Variants in CLVS1 observed in about 807,000 individuals in gnomAD.
CLVS1 encodes the protein clavesin-1.
CLVS1 carries 10 observed loss-of-function variants against 33.1 expected under a neutral mutation model. The ratio of observed to expected loss-of-function variants is 0.30; its 90% CI spans 0.19 to 0.51. CLVS1 has a LOEUF of 0.51. Among genes scored for constraint, CLVS1 ranks in the 20% least tolerant of loss-of-function variants. The probability of loss-of-function intolerance (pLI) is 0.97; values close to 1 mark genes in which losing one functional copy is unlikely to be tolerated. For synonymous variants in CLVS1, 163 were observed against 166.1 expected (o/e 0.98, Z 0.14); for missense variants, 343 against 433.4 (o/e 0.79, Z 1.85).
At chr8:61,250,701 T>C (rs573169000) in intron 2 of CLVS1, among the ~76,000 whole-genome samples, 1 of 152,354 alleles carries the variant, frequency 6.6e-6, no homozygotes, top group South Asian at 2.1e-4. Context: ...AATTCACTCA[T>C]GATTTGGCTC....
intron 1 of CLVS1, among the ~76,000 whole-genome samples, chr8:61,124,941 G>A (rs1332426597): frequency 6.6e-6 from 1 of 152,202 alleles, no homozygotes; most frequent in Non-Finnish European, 1.5e-5. Context: ...ACAGGTGAGA[G>A]AGGAGAGTGA....
rs189363224 is a variant in CLVS1, at chr8:61,133,411, G to A, written c.-152+1551G>A. Among the ~76,000 whole-genome samples, 27 of 152,298 alleles carry A rather than the reference G, an allele frequency of 1.8e-4. 1 individual carries two copies. The highest frequency in any genetic ancestry group is 1.5e-3 in the East Asian group (8 of 5,178). ...GGGTATGGAAGTCCAGGAAGAAGCC[G>A]TGGCATAACAAAGGCATGGCTGTGT... On this transcript the variant is annotated intron_variant, in intron 2 of 2. Transcript: ENST00000522621.
At chr8:61,233,771 G>A (rs769095881) in intron 2 of CLVS1, among the ~76,000 whole-genome samples, 1 of 152,182 alleles carries the variant, frequency 6.6e-6, no homozygotes, top group Non-Finnish European at 1.5e-5. Context: ...GGAGACAAGC[G>A]TACATCCTTG....
chr8:61,373,010 C>A (rs1188075840), intron 2 of CLVS1, among the ~76,000 whole-genome samples: 1 of 152,162 alleles, frequency 6.6e-6, no homozygotes, highest in Non-Finnish European at 1.5e-5. Flanking sequence ...TTGAAGGAAG[C>A]CACAATGCTC....
At chr8:60,983,438 C>T in the CLVS1 span, among the ~76,000 whole-genome samples, 1 of 152,164 alleles carries the variant, frequency 6.6e-6, no homozygotes, top group Non-Finnish European at 1.5e-5. Context: ...AGCTGGTTTC[C>T]CTCCCCAGCA....
intron 3 of CLVS1, among the ~76,000 whole-genome samples, chr8:61,382,610 G>T (rs961569567): frequency 6.6e-6 from 1 of 152,198 alleles, no homozygotes; most frequent in South Asian, 2.1e-4. Context: ...TGGTATTATA[G>T]TAGAACGTGA....
At chr8:61,283,345 C>T (rs1809712992), upstream of CLVS1, among the ~76,000 whole-genome samples, 1 of 152,154 alleles carries the variant, frequency 6.6e-6, no homozygotes, top group African/African-American at 2.4e-5. Context: ...TGCAATTGTC[C>T]TCTGGGATGA....
intron 3 of CLVS1, among the ~76,000 whole-genome samples, chr8:61,409,375 T>C (rs537919153): frequency 6.6e-6 from 1 of 152,344 alleles, no homozygotes; most frequent in South Asian, 2.1e-4. Context: ...ATATTATATA[T>C]AGTGCTGTAC....
At chr8:61,288,188 T>A (rs1486437653) in intron 1 of CLVS1, 50 bp downstream of exon 1, 1 of 456,332 alleles carries the variant, frequency 2.2e-6, no homozygotes, top group Non-Finnish European at 4.4e-6. Context: ...CCTCCCCGCC[T>A]TTCCCCCGCT....
the CLVS1 span, among the ~76,000 whole-genome samples, chr8:61,006,169 G>C: frequency 6.6e-6 from 1 of 152,194 alleles, no homozygotes; most frequent in Non-Finnish European, 1.5e-5. Context: ...TGAAGGGAGG[G>C]AAGGGACAAA....
At chr8:61,152,445 G>A (rs995215645) in intron 2 of CLVS1, among the ~76,000 whole-genome samples, 1 of 152,194 alleles carries the variant, frequency 6.6e-6, no homozygotes, top group Non-Finnish European at 1.5e-5. Context: ...AGTTCTGGAG[G>A]CTGGAAAGTC....
the CLVS1 span, among the ~76,000 whole-genome samples, chr8:60,995,712 C>T: frequency 1.6e-4 from 25 of 152,134 alleles, no homozygotes; most frequent in East Asian, 9.6e-4. Flanking sequence ...CACACGCACA[C>T]GTATGTTTAT....
intron 2 of CLVS1, among the ~76,000 whole-genome samples, chr8:61,361,362 TAACTG>T (rs756126644): frequency 2.0e-5 from 3 of 152,220 alleles, no homozygotes; most frequent in Admixed American, 6.5e-5. Context: ...CATGGAATAA[TAACTG>T]AAAGAGTCTG....
At chr8:61,077,963 G>C (rs1361169451) in intron 1 of CLVS1, among the ~76,000 whole-genome samples, 3 of 152,202 alleles carry the variant, frequency 2.0e-5, no homozygotes, top group Non-Finnish European at 4.4e-5. Context: ...TCTTGAGATA[G>C]ACTGAGCTGG....
At chr8:61,323,351 C>T (rs1368980089) in intron 2 of CLVS1, among the ~76,000 whole-genome samples, 2 of 152,142 alleles carry the variant, frequency 1.3e-5, no homozygotes, top group Non-Finnish European at 2.9e-5. Context: ...TTGACGAAAG[C>T]ACATCACAAG....
chr8:61,088,791 T>TC (rs1805174833), intron 1 of CLVS1, among the ~76,000 whole-genome samples: 1 of 151,404 alleles, frequency 6.6e-6, no homozygotes, highest in Non-Finnish European at 1.5e-5. Flanking sequence ...CTTTTTTTTT[T>TC]CTTTTCTTTT....
intron 2 of CLVS1, among the ~76,000 whole-genome samples, chr8:61,273,379 C>G (rs1338564318): frequency 6.6e-6 from 1 of 152,142 alleles, no homozygotes; most frequent in Admixed American, 6.5e-5. Flanking sequence ...CTGGGAGAAC[C>G]ACTGCTCTCT....
the CLVS1 span, among the ~76,000 whole-genome samples, chr8:61,033,016 A>T: frequency 4.3e-5 from 5 of 116,350 alleles, no homozygotes; most frequent in Non-Finnish European, 9.1e-5. Flanking sequence ...AAAGAAAGAA[A>T]GAAAGAAAGA....
At chr8:61,258,459 G>T (rs1319251934) in intron 2 of CLVS1, among the ~76,000 whole-genome samples, 1 of 152,174 alleles carries the variant, frequency 6.6e-6, no homozygotes, top group Non-Finnish European at 1.5e-5. Flanking sequence ...TGCATATCAG[G>T]AGGACCTTTC....
Sources: gnomAD v4.1 joint callset for allele counts (sites outside exome capture counted in the v4.1 genomes callset) on GRCh38, gnomAD v4.1.1 for gene constraint, MANE v1.5 for transcripts, NCBI Gene and HGNC (gene_info 2026-07-23, HGNC 2026-07-21) for gene names.